Variants in GYPB observed in about 807,000 individuals in gnomAD.
The protein encoded by GYPB is glycophorin B (MNS blood group).
A neutral mutation model predicts 15.3 loss-of-function variants in GYPB; 13 were observed. The ratio of observed to expected loss-of-function variants is 0.85; its 90% CI spans 0.55 to 1.35. The LOEUF (loss-of-function observed/expected upper bound fraction) is 1.35, where lower values mean the gene tolerates loss of function less well. GYPB is among the 40% of genes most tolerant of loss of function. The pLI, the probability that GYPB is intolerant of heterozygous loss-of-function variation, is 0.00. For synonymous variants in GYPB, 38 were observed against 36.9 expected, an observed-to-expected ratio of 1.03 and a Z score of -0.11; for missense variants, 131 against 108.3, an observed-to-expected ratio of 1.21 and a Z score of -0.93.
chr4:144,013,324 C>G (rs1728318302), intron 1 of GYPB, among the ~76,000 whole-genome samples: 1 of 150,948 alleles, frequency 6.6e-6, no homozygotes, highest in South Asian at 2.1e-4. Flanking sequence ...GTTGGTGGGA[C>G]TGTAAACTAG....
At position 144,019,342 on chromosome 4, in the gene GYPB, C is replaced by A; in HGVS notation, c.-55G>T. ...AGTGCAAAAAAACTACCAAAGACAA[C>A]TGCAAGTGTCAGTGTCTGGCCTTAG... On this transcript the variant is annotated 5_prime_UTR_variant, in exon 1 of 5. Transcript: ENST00000502664. 1 of 1,611,436 alleles carries A rather than the reference C, an allele frequency of 6.2e-7. No homozygotes were observed. The highest frequency in any genetic ancestry group is 8.5e-7 in the Non-Finnish European group (1 of 1,179,204).
At chr4:144,013,127 T>A (rs1191384302) in intron 1 of GYPB, among the ~76,000 whole-genome samples, 2 of 151,482 alleles carry the variant, frequency 1.3e-5, no homozygotes, top group Non-Finnish European at 2.9e-5. Context: ...AATTTAAAAA[T>A]GGGTGAAGGA....
chr4:144,009,467 G>T (rs1236155693), intron 1 of GYPB, among the ~76,000 whole-genome samples: 1 of 150,498 alleles, frequency 6.6e-6, no homozygotes, highest in Non-Finnish European at 1.5e-5. Flanking sequence ...CTGTGCAAAA[G>T]CAGCTACAGA....
At chr4:144,000,701 T>A (rs1180228023) in intron 2 of GYPB, among the ~76,000 whole-genome samples, 4 of 151,304 alleles carry the variant, frequency 2.6e-5, no homozygotes, top group Non-Finnish European at 5.9e-5. Context: ...GGCTCTGAGC[T>A]AATAACTTTT....
At chr4:144,008,848 T>A (rs540913578) in intron 1 of GYPB, among the ~76,000 whole-genome samples, 2 of 151,522 alleles carry the variant, frequency 1.3e-5, no homozygotes, top group Non-Finnish European at 2.9e-5. Flanking sequence ...TATCCAGGCA[T>A]TGGATTCTGA....
intron 1 of GYPB, 114 bp from the exon 2 acceptor site, chr4:144,001,397 C>G: frequency 6.5e-7 from 1 of 1,544,818 alleles, no homozygotes; most frequent in East Asian, 2.3e-5. Flanking sequence ...GAGCTAAGCG[C>G]TTTAGTATAT....
chr4:143,997,458 G>C, intron 4 of GYPB, 82 bp downstream of exon 4: 1 of 793,316 alleles, frequency 1.3e-6, no homozygotes, highest in Non-Finnish European at 2.2e-6. Context: ...TCTCTTCTGA[G>C]TTTAACTGAA....
chr4:144,013,361 C>T (rs1383332436), intron 1 of GYPB, among the ~76,000 whole-genome samples: 1 of 151,064 alleles, frequency 6.6e-6, no homozygotes, highest in African/African-American at 2.5e-5. Flanking sequence ...GTCAGTGTGG[C>T]GATTCCTTAG....
At chr4:144,015,300 G>T (rs1728432277) in intron 1 of GYPB, among the ~76,000 whole-genome samples, 1 of 150,982 alleles carries the variant, frequency 6.6e-6, no homozygotes, top group African/African-American at 2.5e-5. Context: ...TTTTGCTTTA[G>T]TTTTAGTTTA....
intron 1 of GYPB, among the ~76,000 whole-genome samples, chr4:144,002,866 CTCTTT>C (rs1051103663): frequency 1.3e-5 from 2 of 151,352 alleles, no homozygotes; most frequent in African/African-American, 2.5e-5. Context: ...GTTTTCTCTT[CTCTTT>C]TAAGTTCTTT....
At chr4:144,016,321 C>G (rs1232135785) in intron 1 of GYPB, among the ~76,000 whole-genome samples, 1 of 150,388 alleles carries the variant, frequency 6.6e-6, no homozygotes, top group Non-Finnish European at 1.5e-5. Flanking sequence ...CTTTCCTCCT[C>G]CCCTTCCTCC....
At chr4:144,017,969 TCAC>T (rs1299778121) in intron 1 of GYPB, among the ~76,000 whole-genome samples, 1 of 151,360 alleles carries the variant, frequency 6.6e-6, no homozygotes, top group Non-Finnish European at 1.5e-5. Flanking sequence ...CTCTCAGAAA[TCAC>T]CAATCACATA....
intron 1 of GYPB, among the ~76,000 whole-genome samples, chr4:144,009,613 T>TC (rs1728108443): frequency 9.2e-6 from 1 of 109,020 alleles, no homozygotes; most frequent in African/African-American, 3.8e-5. Flanking sequence ...TTTTTTTTTT[T>TC]TTTTTTTTTT....
At chr4:144,001,365 C>T in intron 1 of GYPB, 82 bp from the exon 2 acceptor site, 3 of 1,606,984 alleles carry the variant, frequency 1.9e-6, no homozygotes, top group Non-Finnish European at 2.6e-6. Context: ...AGACAAATTC[C>T]TCTCACATCC....
chr4:144,007,716 A>C (rs200371073), intron 1 of GYPB, among the ~76,000 whole-genome samples: 5,707 of 150,804 alleles, frequency 0.038, 515 homozygotes, highest in African/African-American at 0.13. Context: ...GGGATCTGTG[A>C]AAGTCTCTGA....
At chr4:143,997,681 T>G (rs1188015531) in intron 3 of GYPB, 47 bp from the exon 4 acceptor site, 2 of 940,502 alleles carry the variant, frequency 2.1e-6, no homozygotes. Context: ...AATGACCACA[T>G]AGCAATAGAA....
rs921009433 is a variant in GYPB at position 143,996,107 on chromosome 4, G to C, written c.*192C>G. On this transcript the variant is annotated 3_prime_UTR_variant, in exon 5 of 5. Transcript: ENST00000502664. ...AATCATGACTATAATACATGAAAACGGTTTGTATTTTGTTTTATTTTTATT... is the reference window on the plus strand; with the variant it reads ...AATCATGACTATAATACATGAAAACCGTTTGTATTTTGTTTTATTTTTATT... 11 of 1,387,584 alleles carry C rather than the reference G, an allele frequency of 7.9e-6. 1 individual carries two copies. In the African/African-American group the frequency reaches 9.1e-5, roughly 11 times the overall value. 86.0% of individuals were successfully genotyped at this position (1,387,584 alleles called of 1,614,324 possible).
At chr4:144,018,194 C>A (rs1040133896) in intron 1 of GYPB, among the ~76,000 whole-genome samples, 3 of 151,396 alleles carry the variant, frequency 2.0e-5, no homozygotes, top group Non-Finnish European at 2.9e-5. Context: ...TAAGTACCAA[C>A]ATTGCCTGCA....
chr4:144,014,900 T>C (rs1409108183), intron 1 of GYPB, among the ~76,000 whole-genome samples: 3 of 151,528 alleles, frequency 2.0e-5, no homozygotes, highest in East Asian at 3.8e-4. Context: ...TGCCTATATA[T>C]GGAACCTAAC....
Sources: allele counts gnomAD v4.1 joint callset (sites outside exome capture counted in the v4.1 genomes callset), GRCh38; gene constraint gnomAD v4.1.1; transcripts MANE v1.5; gene names NCBI Gene and HGNC (gene_info 2026-07-23, HGNC 2026-07-21).